The following GOLGA5 variants were observed in gnomAD, a reference collection of about 807,000 sequenced individuals.
The protein encoded by GOLGA5 is golgin A5.
A neutral mutation model predicts 93.5 loss-of-function variants in GOLGA5; 50 were observed. That is an observed-to-expected ratio of 0.53 (90% CI 0.43 to 0.68). The LOEUF is 0.68. Ranked by LOEUF, GOLGA5 falls within the 30% of genes least tolerant of loss-of-function variation. The pLI, the probability that GOLGA5 is intolerant of heterozygous loss-of-function variation, is 0.00. For missense variants in GOLGA5, 760 were observed against 856.4 expected (o/e 0.89, Z 1.40); for synonymous variants, 312 against 304.5 (o/e 1.02, Z -0.26).
At chr14:92,815,824 C>T (rs1885191926) in intron 6 of GOLGA5, among the ~76,000 whole-genome samples, 1 of 151,020 alleles carries the variant, frequency 6.6e-6, no homozygotes, top group East Asian at 1.9e-4. Context: ...CTGCCTCAGC[C>T]TCCCTAGTAG....
chr14:92,809,377 C>A lies in GOLGA5; in HGVS notation c.850C>A (p.Arg284=), dbSNP rs752306150. Residue 284 remains arginine (R), a synonymous_variant, in exon 4 of 13, where the codon CGA becomes AGA. Transcript: ENST00000163416. Reference sequence around the variant, plus strand: ...GAGTGATCGAATGACTCGAGGACTCCGAGCCCAAGTAGATGACCTGACTGA... The same window carrying A: ...GAGTGATCGAATGACTCGAGGACTCAGAGCCCAAGTAGATGACCTGACTGA... ...SKSDRMTRGL[R]AQVDDLTEAV... 19 of 1,613,088 alleles carry A rather than the reference C, an allele frequency of 1.2e-5. No individual in the cohort carries two copies. The highest frequency in any genetic ancestry group is 1.6e-4 in the Middle Eastern group (1 of 6,082).
intron 12 of GOLGA5, among the ~76,000 whole-genome samples, chr14:92,839,065 A>G (rs1885706161): frequency 6.6e-6 from 1 of 152,216 alleles, no homozygotes; most frequent in Non-Finnish European, 1.5e-5. Flanking sequence ...AACCAACTTC[A>G]TGTGTATCTA....
rs980645614 is a variant in GOLGA5 at position 92,808,770 on chromosome 14, C to T, written c.773-530C>T. ...ATTTTTAAAATGTTGTGGTGGCTAA[C>T]TGCAATTACATATGGTATGTGAGGG... On this transcript the variant is annotated intron_variant, in intron 3 of 12. Coordinates refer to ENST00000163416, the MANE Select transcript of GOLGA5 (RefSeq NM_005113.4). 5.4e-5 allele frequency among the ~76,000 whole-genome samples: 8 copies of T among 148,532 alleles called. No individual in the cohort carries two copies. In the South Asian group the frequency reaches 1.7e-3, roughly 31 times the overall value.
intron 10 of GOLGA5, among the ~76,000 whole-genome samples, 187 bp from the exon 11 acceptor site, chr14:92,835,372 A>G (rs189009691): frequency 4.6e-5 from 7 of 152,296 alleles, no homozygotes; most frequent in African/African-American, 1.2e-4. Flanking sequence ...TGTTGTGGAT[A>G]TGGATGTTTA....
chr14:92,829,648 A>G (rs955175810), intron 9 of GOLGA5, among the ~76,000 whole-genome samples: 2 of 152,216 alleles, frequency 1.3e-5, no homozygotes, highest in African/African-American at 4.8e-5. Flanking sequence ...ATTTCTTAAG[A>G]TGGAATCCAC....
intron 3 of GOLGA5, among the ~76,000 whole-genome samples, chr14:92,807,236 A>G (rs1418200212): frequency 2.6e-5 from 4 of 152,188 alleles, no homozygotes. Context: ...AGGGAGGTGG[A>G]GGTTGCAGTG....
intron 4 of GOLGA5, among the ~76,000 whole-genome samples, 189 bp from the exon 5 acceptor site, chr14:92,810,065 T>C (rs1046756134): frequency 1.3e-5 from 2 of 152,240 alleles, no homozygotes; most frequent in African/African-American, 4.8e-5. Context: ...CATTATACGG[T>C]ATGTACTTAA....
chr14:92,810,451 CA>C (rs1361793699), intron 5 of GOLGA5, 74 bp downstream of exon 5: 35 of 1,114,048 alleles, frequency 3.1e-5, no homozygotes, highest in Non-Finnish European at 3.9e-5. Context: ...TTTCATAGCA[CA>C]TTAACTGTCT....
intron 3 of GOLGA5, among the ~76,000 whole-genome samples, chr14:92,807,232 G>T (rs1044443621): frequency 6.6e-6 from 1 of 152,090 alleles, no homozygotes; most frequent in African/African-American, 2.4e-5. Flanking sequence ...AACCAGGGAG[G>T]TGGAGGTTGC....
chr14:92,800,565 T>C (rs1235286413), intron 2 of GOLGA5, among the ~76,000 whole-genome samples: 1 of 152,228 alleles, frequency 6.6e-6, no homozygotes, highest in Non-Finnish European at 1.5e-5. Flanking sequence ...TCTATAATCA[T>C]TGTTAAAGAT....
intron 12 of GOLGA5, among the ~76,000 whole-genome samples, chr14:92,837,742 T>C (rs1301298711): frequency 6.6e-6 from 1 of 152,040 alleles, no homozygotes; most frequent in Non-Finnish European, 1.5e-5. Flanking sequence ...ATTTGTATTT[T>C]TTGTAGAGAC....
chr14:92,816,883 T>TCTTTCTTTC (rs780295087), intron 7 of GOLGA5, among the ~76,000 whole-genome samples: 3 of 152,008 alleles, frequency 2.0e-5, no homozygotes, highest in African/African-American at 7.2e-5. Context: ...TTTCTTTCTT[T>TCTTTCTTTC]CTTTCTTTCC....
Position 92,806,753 on chromosome 14 carries a change from G to T in GOLGA5, c.562G>T (p.Asp188Tyr). ...SQTHEAASNS[D>Y]SSHEGQEESS... ...TTTTACAGAAGCTGCCAGTAACTCA[G>T]ATTCTAGCCATGAAGGTCAAGAGGA... Residue 188 changes from aspartate (D) to tyrosine (Y), a missense_variant, in exon 3 of 13, where the codon GAT becomes TAT. Physicochemically the swap from Asp to Tyr is radical, Grantham distance 160. Coordinates refer to ENST00000163416, the MANE Select transcript of GOLGA5 (RefSeq NM_005113.4). 1 of 1,613,238 alleles carries T rather than the reference G, an allele frequency of 6.2e-7. No individual in the cohort carries two copies. Among genetic ancestry groups the T allele is most frequent in the Non-Finnish European group, 8.5e-7 (1 of 1,179,216 alleles).
intron 10 of GOLGA5, among the ~76,000 whole-genome samples, chr14:92,833,895 T>TA (rs1000222328): frequency 1.3e-5 from 2 of 151,842 alleles, no homozygotes; most frequent in Non-Finnish European, 2.9e-5. Flanking sequence ...TTTCTTTTAA[T>TA]AAAAAAAATT....
At chr14:92,815,362 C>G (rs1380346353) in intron 6 of GOLGA5, among the ~76,000 whole-genome samples, 5 of 152,208 alleles carry the variant, frequency 3.3e-5, no homozygotes, top group Admixed American at 6.5e-5. Context: ...TGACCATATC[C>G]TTTTCTCTAC....
chr14:92,800,799 A>G (rs1884854413), intron 2 of GOLGA5, among the ~76,000 whole-genome samples: 1 of 152,214 alleles, frequency 6.6e-6, no homozygotes, highest in South Asian at 2.1e-4. Context: ...AAGAGTTGAC[A>G]TAGCTTATTT....
intron 2 of GOLGA5, among the ~76,000 whole-genome samples, chr14:92,800,841 A>G (rs1884855487): frequency 6.6e-6 from 1 of 152,252 alleles, no homozygotes. Context: ...CTTGCATTTA[A>G]TTAGAAAGAA....
At chr14:92,837,321 C>A in intron 11 of GOLGA5, 65 bp from the exon 12 acceptor site, 1 of 787,568 alleles carries the variant, frequency 1.3e-6, no homozygotes, top group Non-Finnish European at 2.2e-6. Context: ...GATATTACCA[C>A]AGGAAGATTT....
intron 1 of GOLGA5, among the ~76,000 whole-genome samples, chr14:92,795,658 T>G (rs536822684): frequency 6.6e-6 from 1 of 152,200 alleles, no homozygotes; most frequent in Admixed American, 6.5e-5. Flanking sequence ...CTCTGGGAAT[T>G]CATTGGTGAG....
Sources: gnomAD v4.1 joint callset for allele counts (sites outside exome capture counted in the v4.1 genomes callset) on GRCh38, gnomAD v4.1.1 for gene constraint, MANE v1.5 for transcripts, NCBI Gene and HGNC (gene_info 2026-07-23, HGNC 2026-07-21) for gene names.